TNIK: variants seen among roughly 807,000 people sequenced by gnomAD.
TNIK encodes the protein TRAF2 and NCK-interacting protein kinase.
In TNIK, 49 loss-of-function variants were observed where a neutral mutation model predicts 191.3. The ratio of observed to expected loss-of-function variants is 0.26; its 90% CI spans 0.20 to 0.32. The LOEUF (loss-of-function observed/expected upper bound fraction) is 0.32. TNIK is among the 10% of genes least tolerant of loss of function. The pLI is 1.00. For synonymous variants in TNIK, 594 were observed against 600.9 expected, an observed-to-expected ratio of 0.99 and a Z score of 0.17; for missense variants, 1,155 against 1,702.3, an observed-to-expected ratio of 0.68 and a Z score of 5.66.
chr3:171,259,718 A>C (rs900124258), intron 2 of TNIK, among the ~76,000 whole-genome samples: 1 of 152,170 alleles, frequency 6.6e-6, no homozygotes, highest in African/African-American at 2.4e-5. Flanking sequence ...TGAAAAGCAC[A>C]ACCTCTTAAT....
chr3:171,312,586 T>G (rs1754162080), intron 2 of TNIK, among the ~76,000 whole-genome samples: 1 of 152,084 alleles, frequency 6.6e-6, no homozygotes, highest in African/African-American at 2.4e-5. Context: ...ACTGGGTGCT[T>G]TGAATTGTTT....
In TNIK at chr3:171,173,391, G is replaced by A. The variant is rs547039042; in HGVS notation, c.773+1861C>T. On this transcript the variant is annotated intron_variant, in intron 9 of 32. Coordinates refer to ENST00000436636, the MANE Select transcript of TNIK (RefSeq NM_015028.4). ...AGCCTGGGCGACAGAGCGAGACTCC[G>A]TCTCAAAAAAAAAAAAAAAGAAAAG... Among the ~76,000 whole-genome samples, 527 of 100,452 alleles carry A rather than the reference G, an allele frequency of 5.2e-3. 3 individuals are homozygous for A. The highest frequency in any genetic ancestry group is 0.018 in the African/African-American group (507 of 27,742). 65.9% of individuals were successfully genotyped at this position (100,452 alleles called of 152,430 possible). A position where few individuals can be genotyped will look rare whatever the true frequency, so the allele number is the denominator to read the frequency against.
At chr3:171,398,919 C>A (rs185525912) in intron 1 of TNIK, among the ~76,000 whole-genome samples, 2 of 152,218 alleles carry the variant, frequency 1.3e-5, no homozygotes, top group East Asian at 3.9e-4. Context: ...GTGTTCTTGC[C>A]CTCTGCTGCC....
intron 1 of TNIK, among the ~76,000 whole-genome samples, chr3:171,380,776 C>G (rs1051788127): frequency 2.6e-5 from 4 of 152,230 alleles, no homozygotes; most frequent in African/African-American, 9.6e-5. Context: ...TAATGCCTTT[C>G]GGCCAAGGGC....
rs535696495 is a variant in TNIK, at chr3:171,380,671, A to G, written c.58-10986T>C. Among the ~76,000 whole-genome samples, 13 of 151,430 alleles carry G rather than the reference A, an allele frequency of 8.6e-5. 1 individual carries two copies. The highest frequency in any genetic ancestry group is 3.1e-4 in the African/African-American group (13 of 41,478). ...CTTTACCAGCTGCCTACCTGTCCCCACCCCTCTTCACAATACAGTGAGCTT... is the reference window on the plus strand; with the variant it reads ...CTTTACCAGCTGCCTACCTGTCCCCGCCCCTCTTCACAATACAGTGAGCTT... On this transcript the variant is annotated intron_variant, in intron 1 of 32. Transcript: ENST00000436636.
intron 18 of TNIK, among the ~76,000 whole-genome samples, chr3:171,111,608 C>T (rs936033507): frequency 3.3e-5 from 5 of 151,938 alleles, no homozygotes; most frequent in African/African-American, 7.3e-5. Context: ...ATGAAGGTTC[C>T]GCAAAAGACT....
intron 1 of TNIK, among the ~76,000 whole-genome samples, chr3:171,441,055 T>C (rs1330246126): frequency 6.6e-6 from 1 of 152,168 alleles, no homozygotes; most frequent in African/African-American, 2.4e-5. Flanking sequence ...AAGCAGAAGA[T>C]AGGATCAGAG....
chr3:171,354,847 A>G (rs1167993266), intron 2 of TNIK, among the ~76,000 whole-genome samples: 1 of 152,238 alleles, frequency 6.6e-6, no homozygotes, highest in Non-Finnish European at 1.5e-5. Context: ...ACATCTGACC[A>G]TAGTATTACT....
At chr3:171,398,669 G>A (rs1720536187) in intron 1 of TNIK, among the ~76,000 whole-genome samples, 1 of 152,134 alleles carries the variant, frequency 6.6e-6, no homozygotes, top group Non-Finnish European at 1.5e-5. Flanking sequence ...CAAGCCCCAG[G>A]AATGAAAGGA....
intron 1 of TNIK, among the ~76,000 whole-genome samples, chr3:171,374,391 A>G (rs769944212): frequency 2.0e-5 from 3 of 152,214 alleles, no homozygotes; most frequent in Non-Finnish European, 2.9e-5. Context: ...CAGCAAGGAG[A>G]GGAAGCTGTA....
intron 2 of TNIK, among the ~76,000 whole-genome samples, chr3:171,284,247 G>A (rs4894756): frequency 0.49 from 74,140 of 152,004 alleles, 18,642 homozygotes; most frequent in African/African-American, 0.51. Context: ...AATAGCTTTG[G>A]AAACAGCATC....
chr3:171,185,144 C>G (rs922399061), intron 7 of TNIK, among the ~76,000 whole-genome samples: 13 of 150,774 alleles, frequency 8.6e-5, no homozygotes, highest in African/African-American at 2.9e-4. Flanking sequence ...AAAGTAAATA[C>G]TATTAAGTTT....
chr3:171,124,612 A>G lies in TNIK; in HGVS notation c.2014-910T>C, dbSNP rs114509172. Among the ~76,000 whole-genome samples, 542 of 152,308 alleles carry G rather than the reference A, an allele frequency of 3.6e-3. 6 individuals carry two copies. The highest frequency in any genetic ancestry group is 0.012 in the African/African-American group (510 of 41,576). ...GTGTCATCCTTTGTTTTGAAAATTT[A>G]ATTTTTATTATTCATTTTAACATAA... On this transcript the variant is annotated intron_variant, in intron 17 of 32. Transcript: ENST00000436636.
At chr3:171,117,604 A>G (rs1214629500) in intron 18 of TNIK, among the ~76,000 whole-genome samples, 1 of 152,238 alleles carries the variant, frequency 6.6e-6, no homozygotes, top group Non-Finnish European at 1.5e-5. Context: ...AACTGCAGGC[A>G]TTGCCCAATA....
intron 13 of TNIK, 81 bp from the exon 14 acceptor site, chr3:171,139,637 C>T (rs1318920482): frequency 7.2e-7 from 1 of 1,380,520 alleles, no homozygotes; most frequent in East Asian, 2.3e-5. Flanking sequence ...GCGACAAGAG[C>T]CGCTAAGTAA....
intron 2 of TNIK, among the ~76,000 whole-genome samples, chr3:171,341,187 T>C (rs542873760): frequency 7.6e-4 from 116 of 152,156 alleles, no homozygotes; most frequent in African/African-American, 2.6e-3. Flanking sequence ...AATCACATAT[T>C]TTGGGCCGGG....
chr3:171,092,374 A>G (rs935240261), intron 23 of TNIK, among the ~76,000 whole-genome samples: 8 of 152,192 alleles, frequency 5.3e-5, no homozygotes, highest in African/African-American at 1.9e-4. Context: ...ACTTGGAGGT[A>G]TTGACTCTGT....
At chr3:171,222,972 A>T (rs1742541505) in intron 3 of TNIK, among the ~76,000 whole-genome samples, 1 of 152,164 alleles carries the variant, frequency 6.6e-6, no homozygotes, top group African/African-American at 2.4e-5. Flanking sequence ...TCTTTTATGT[A>T]TTGGGTTTTT....
At chr3:171,352,298 T>C (rs1485183610) in intron 2 of TNIK, among the ~76,000 whole-genome samples, 3 of 152,118 alleles carry the variant, frequency 2.0e-5, no homozygotes, top group East Asian at 1.9e-4. Flanking sequence ...CTCCAGACAA[T>C]CCTCAGAAAA....
Sources: allele counts gnomAD v4.1 joint callset (sites outside exome capture counted in the v4.1 genomes callset), GRCh38; gene constraint gnomAD v4.1.1; transcripts MANE v1.5; gene names NCBI Gene and HGNC (gene_info 2026-07-23, HGNC 2026-07-21).